TMEM26: variants seen among roughly 807,000 people sequenced by gnomAD.
TMEM26 encodes transmembrane protein 26.
In TMEM26, 38 loss-of-function variants were observed where a neutral mutation model predicts 28.8. That is an observed-to-expected ratio of 1.32 (90% CI 1.02 to 1.73). The LOEUF (loss-of-function observed/expected upper bound fraction) is 1.73. Ranked by LOEUF, TMEM26 falls within the 40% of genes most tolerant of loss-of-function variation. The probability of loss-of-function intolerance (pLI) is 0.00; values close to 1 mark genes in which losing one functional copy is unlikely to be tolerated. For synonymous variants in TMEM26, 227 were observed against 182.9 expected (o/e 1.24, Z -1.95); for missense variants, 518 against 447.1 (o/e 1.16, Z -1.43).
chr10:61,414,119 T>C (rs1430665142), intron 4 of TMEM26: 3 of 887,632 alleles, frequency 3.4e-6, no homozygotes, highest in Non-Finnish European at 2.7e-6. Flanking sequence ...CCTTAGTGCC[T>C]AGAACAGTGC....
chr10:61,418,142 G>A (rs556638493), intron 4 of TMEM26, among the ~76,000 whole-genome samples: 1 of 151,958 alleles, frequency 6.6e-6, no homozygotes, highest in African/African-American at 2.4e-5. Context: ...TTGCAATACA[G>A]GAGAAAGATT....
chr10:61,447,210 G>T (rs1840199839), intron 1 of TMEM26, among the ~76,000 whole-genome samples: 1 of 152,156 alleles, frequency 6.6e-6, no homozygotes, highest in South Asian at 2.1e-4. Flanking sequence ...ACATTGGGGT[G>T]GGGAGTGGAG....
chr10:61,417,143 TTTTGG>T (rs1839665829), intron 4 of TMEM26, among the ~76,000 whole-genome samples: 4 of 151,946 alleles, frequency 2.6e-5, no homozygotes, highest in African/African-American at 9.7e-5. Flanking sequence ...TGTAAAGGAA[TTTTGG>T]GTGGATTTAT....
In TMEM26 at chr10:61,453,164, G is replaced by A. The variant is rs541196411; in HGVS notation, c.-83C>T. 6.9e-7 allele frequency: 1 copy of A among 1,439,948 alleles called. No homozygotes were observed. Among genetic ancestry groups the A allele is most frequent in the Non-Finnish European group, 9.5e-7 (1 of 1,052,040 alleles). 89.2% of individuals were successfully genotyped at this position (1,439,948 alleles called of 1,614,324 possible). A position where few individuals can be genotyped will look rare whatever the true frequency, so the allele number is the denominator to read the frequency against. On this transcript the variant is annotated 5_prime_UTR_variant, in exon 1 of 6. Coordinates refer to ENST00000399298, the MANE Select transcript of TMEM26 (RefSeq NM_178505.8). ...CGTGCCCGGAGCCCACCGGTGAGCA[G>A]GAATATGACAAGCACTGAGACCTGC...
Position 61,431,247 on chromosome 10 carries a change from G to C in TMEM26, c.356C>G (p.Thr119Ser). The stretch of plus-strand genomic sequence containing the variant: ...CTCAATGAGATCATCAGCTCTACTG[G>C]TTTGTTCATTGGATGTCAATGTTTG... ...FNQTLTSNEQ[T>S]SRADDLIETA... The change falls in exon 3 of 6, where the codon ACC (threonine) becomes AGC (serine). Residue 119 changes from threonine to serine, a missense_variant. Transcript: ENST00000399298. 1 of 1,612,960 alleles carries C rather than the reference G, an allele frequency of 6.2e-7. No homozygotes were observed. The highest frequency in any genetic ancestry group is 1.3e-5 in the African/African-American group (1 of 74,974).
chr10:61,434,807 T>C (rs1390953814), intron 2 of TMEM26, among the ~76,000 whole-genome samples: 1 of 152,202 alleles, frequency 6.6e-6, no homozygotes, highest in Non-Finnish European at 1.5e-5. Flanking sequence ...AGCAAGCCTT[T>C]TACAGATAAG....
intron 1 of TMEM26, among the ~76,000 whole-genome samples, chr10:61,449,969 A>G (rs186399883): frequency 6.6e-6 from 1 of 152,294 alleles, no homozygotes; most frequent in Admixed American, 6.5e-5. Flanking sequence ...TTTAGTGGTT[A>G]AAATCTAGCT....
chr10:61,443,614 G>A (rs1039494548), intron 1 of TMEM26, among the ~76,000 whole-genome samples: 8 of 152,260 alleles, frequency 5.3e-5, no homozygotes, highest in Non-Finnish European at 8.8e-5. Context: ...TTGTATTTCC[G>A]AAGCCCTTGA....
At chr10:61,415,554 T>A (rs531135816) in intron 4 of TMEM26, among the ~76,000 whole-genome samples, 2 of 152,190 alleles carry the variant, frequency 1.3e-5, no homozygotes, top group East Asian at 3.9e-4. Flanking sequence ...ACAATTGTTA[T>A]CTCTATTTTA....
At chr10:61,420,099 C>T (rs940751715) in intron 4 of TMEM26, among the ~76,000 whole-genome samples, 2 of 152,004 alleles carry the variant, frequency 1.3e-5, no homozygotes, top group African/African-American at 4.8e-5. Context: ...GAAGTCGTAT[C>T]AATAACATAA....
intron 5 of TMEM26, among the ~76,000 whole-genome samples, chr10:61,411,120 T>C (rs1839562940): frequency 6.6e-6 from 1 of 152,026 alleles, no homozygotes; most frequent in Non-Finnish European, 1.5e-5. Flanking sequence ...GATTCTGGGG[T>C]CCACAGTGTA....
intron 4 of TMEM26, among the ~76,000 whole-genome samples, chr10:61,416,648 T>C (rs1839657228): frequency 6.6e-6 from 1 of 151,998 alleles, no homozygotes; most frequent in Admixed American, 6.6e-5. Context: ...GCTTATAAAA[T>C]TGGGATAATA....
intron 4 of TMEM26, among the ~76,000 whole-genome samples, chr10:61,426,297 G>A (rs1839831089): frequency 6.6e-6 from 1 of 152,044 alleles, no homozygotes; most frequent in Non-Finnish European, 1.5e-5. Flanking sequence ...AACTGCCACA[G>A]GAATCTTTTT....
intron 4 of TMEM26, among the ~76,000 whole-genome samples, chr10:61,425,602 AGAC>A (rs1296603449): frequency 1.3e-5 from 2 of 152,172 alleles, no homozygotes; most frequent in Admixed American, 1.3e-4. Flanking sequence ...AATAATAAAA[AGAC>A]AATCCAATAA....
chr10:61,451,636 C>T (rs939904439), intron 1 of TMEM26, among the ~76,000 whole-genome samples: 2 of 152,124 alleles, frequency 1.3e-5, no homozygotes, highest in Non-Finnish European at 2.9e-5. Flanking sequence ...AAATGTCTCA[C>T]GCTTAATAAA....
chr10:61,444,258 GA>G (rs1840141763), intron 1 of TMEM26, among the ~76,000 whole-genome samples: 1 of 152,072 alleles, frequency 6.6e-6, no homozygotes, highest in South Asian at 2.1e-4. Flanking sequence ...AAACCACCAT[GA>G]CAGCATCTGG....
At position 61,430,537 on chromosome 10, in the gene TMEM26, ATAATTG is replaced by A. The variant is rs201464407; in HGVS notation, c.384+676_384+681del. Among the ~76,000 whole-genome samples, 924 of 151,518 alleles carry A rather than the reference ATAATTG, an allele frequency of 6.1e-3. 27 individuals carry two copies. In the East Asian group the frequency reaches 0.062, roughly 10 times the overall value. ...AAAACTGCCTCTGTTCACAGTTGAC[ATAATTG>A]TCTAGGTAGAAAATCCCAAAGAACT... On this transcript the variant is annotated intron_variant, in intron 3 of 5. Transcript: ENST00000399298.
chr10:61,427,980 G>A (rs1256810454), intron 4 of TMEM26, among the ~76,000 whole-genome samples: 1 of 152,022 alleles, frequency 6.6e-6, no homozygotes, highest in Non-Finnish European at 1.5e-5. Flanking sequence ...AACTTAATAA[G>A]CTATAAGAAA....
chr10:61,410,778 C>G (rs1479842128), intron 5 of TMEM26, 32 bp from the exon 6 acceptor site: 38 of 1,601,112 alleles, frequency 2.4e-5, no homozygotes, highest in Non-Finnish European at 3.1e-5. Context: ...GTTACTATCT[C>G]TCTTGGAAGT....
Sources: allele counts gnomAD v4.1 joint callset (sites outside exome capture counted in the v4.1 genomes callset), GRCh38; gene constraint gnomAD v4.1.1; transcripts MANE v1.5; gene names NCBI Gene and HGNC (gene_info 2026-07-23, HGNC 2026-07-21).